HMGCLL1: variants seen among roughly 807,000 people sequenced by gnomAD.
The protein encoded by HMGCLL1 is 3-hydroxymethyl-3-methylglutaryl-CoA lyase, cytoplasmic.
HMGCLL1 carries 36 observed loss-of-function variants against 39.1 expected under a neutral mutation model. The ratio of observed to expected loss-of-function variants is 0.92; its 90% CI spans 0.71 to 1.22. The LOEUF (loss-of-function observed/expected upper bound fraction) is 1.22. HMGCLL1 is among the 50% of genes most tolerant of loss of function. The pLI is 0.00. For missense variants in HMGCLL1, 451 were observed against 416.5 expected (o/e 1.08, Z -0.72); for synonymous variants, 149 against 144.0 (o/e 1.03, Z -0.25).
chr6:55,493,579 T>TA (rs1766422150), intron 7 of HMGCLL1, among the ~76,000 whole-genome samples: 1 of 152,126 alleles, frequency 6.6e-6, no homozygotes, highest in South Asian at 2.1e-4. Flanking sequence ...TTCTTTTAAT[T>TA]ACTAGGACAT....
chr6:55,647,318 A>G, the HMGCLL1 span, among the ~76,000 whole-genome samples: 1 of 151,972 alleles, frequency 6.6e-6, no homozygotes, highest in East Asian at 2.0e-4. Context: ...CTTGTAGGTA[A>G]CAGATCATTG....
chr6:55,435,825 A>G (rs934796341), intron 8 of HMGCLL1, 62 bp from the exon 9 acceptor site: 10 of 793,232 alleles, frequency 1.3e-5, no homozygotes, highest in Non-Finnish European at 1.9e-5. Flanking sequence ...AAGATAAAAC[A>G]TAGCCTTTTA....
intron 7 of HMGCLL1, 39 bp from the exon 8 acceptor site, chr6:55,439,598 A>T (rs1561881421): frequency 6.3e-7 from 1 of 1,593,390 alleles, no homozygotes; most frequent in Non-Finnish European, 8.6e-7. Flanking sequence ...TTGTGTGTTT[A>T]TGGCATGTAA....
intron 3 of HMGCLL1, among the ~76,000 whole-genome samples, chr6:55,527,904 C>A (rs1214834491): frequency 2.6e-5 from 4 of 151,916 alleles, no homozygotes; most frequent in Admixed American, 6.6e-5. Flanking sequence ...TTTGGTATGT[C>A]TTTTTATTGG....
At chr6:55,588,534 A>C in the HMGCLL1 span, among the ~76,000 whole-genome samples, 402 of 152,298 alleles carry the variant, frequency 2.6e-3, 2 homozygotes, top group African/African-American at 9.3e-3. Flanking sequence ...AGCTAGCAGA[A>C]GGCAAGAAAT....
intron 4 of HMGCLL1, among the ~76,000 whole-genome samples, chr6:55,514,625 C>A (rs778116909): frequency 2.0e-5 from 3 of 152,136 alleles, no homozygotes; most frequent in Non-Finnish European, 4.4e-5. Flanking sequence ...TACAATCCAA[C>A]AGAAAAATAT....
At chr6:55,578,288 CCTTTT>C (rs1462599625) in intron 1 of HMGCLL1, among the ~76,000 whole-genome samples, 2 of 152,102 alleles carry the variant, frequency 1.3e-5, no homozygotes, top group East Asian at 1.9e-4. Flanking sequence ...TCTTTATACA[CCTTTT>C]CTTTATTTAT....
chr6:55,672,965 A>G, the HMGCLL1 span, among the ~76,000 whole-genome samples: 1 of 151,962 alleles, frequency 6.6e-6, no homozygotes, highest in Non-Finnish European at 1.5e-5. Context: ...TAATTTTCCC[A>G]TTTGACAGTC....
At chr6:55,636,010 T>C in the HMGCLL1 span, among the ~76,000 whole-genome samples, 625 of 152,198 alleles carry the variant, frequency 4.1e-3, 2 homozygotes, top group Non-Finnish European at 7.5e-3. Context: ...TCCAGCAGCA[T>C]AATGAACCTC....
At chr6:55,496,531 C>A (rs1766585896) in intron 6 of HMGCLL1, among the ~76,000 whole-genome samples, 1 of 152,148 alleles carries the variant, frequency 6.6e-6, no homozygotes, top group South Asian at 2.1e-4. Flanking sequence ...TGCTAATCAT[C>A]TCTGTATGAA....
the HMGCLL1 span, among the ~76,000 whole-genome samples, chr6:55,601,562 C>T: frequency 6.6e-6 from 1 of 152,088 alleles, no homozygotes; most frequent in South Asian, 2.1e-4. Context: ...TCCTTGAAGC[C>T]ACTGCAAAGG....
chr6:55,478,757 T>A (rs1765584663), intron 7 of HMGCLL1, among the ~76,000 whole-genome samples: 1 of 151,428 alleles, frequency 6.6e-6, no homozygotes, highest in Non-Finnish European at 1.5e-5. Context: ...AAAGTTTGCA[T>A]TTGTAGTGGA....
chr6:55,647,494 G>A, the HMGCLL1 span, among the ~76,000 whole-genome samples: 171 of 151,462 alleles, frequency 1.1e-3, no homozygotes, highest in Non-Finnish European at 2.0e-3. Context: ...CTTCCTTTTA[G>A]TGAAGATAAT....
chr6:55,636,745 A>G, the HMGCLL1 span, among the ~76,000 whole-genome samples: 1 of 152,136 alleles, frequency 6.6e-6, no homozygotes, highest in Non-Finnish European at 1.5e-5. Context: ...TTTTAAATCT[A>G]TATAATAATA....
chr6:55,591,745 C>T, the HMGCLL1 span, among the ~76,000 whole-genome samples: 3 of 150,622 alleles, frequency 2.0e-5, no homozygotes, highest in Admixed American at 2.0e-4. Context: ...TCCCAGAGTT[C>T]CCATGGAAGT....
At chr6:55,609,104 C>G in the HMGCLL1 span, among the ~76,000 whole-genome samples, 2 of 152,172 alleles carry the variant, frequency 1.3e-5, no homozygotes, top group Non-Finnish European at 2.9e-5. Context: ...CGGGGCCTTG[C>G]GTCCCAATCA....
At chr6:55,659,923 T>G in the HMGCLL1 span, among the ~76,000 whole-genome samples, 1 of 151,716 alleles carries the variant, frequency 6.6e-6, no homozygotes, top group Admixed American at 6.6e-5. Flanking sequence ...TCTGAATACA[T>G]GTCAGAAAAC....
At chr6:55,613,333 T>C in the HMGCLL1 span, among the ~76,000 whole-genome samples, 3 of 152,308 alleles carry the variant, frequency 2.0e-5, no homozygotes, top group African/African-American at 7.2e-5. Context: ...GGAGCGTTTT[T>C]ACATTGTTGG....
chr6:55,628,855 C>G, the HMGCLL1 span, among the ~76,000 whole-genome samples: 1 of 152,128 alleles, frequency 6.6e-6, no homozygotes, highest in Non-Finnish European at 1.5e-5. Context: ...CCAAGTAAGA[C>G]TTGACTTGTT....
Sources: gnomAD v4.1 joint callset for allele counts (sites outside exome capture counted in the v4.1 genomes callset) on GRCh38, gnomAD v4.1.1 for gene constraint, MANE v1.5 for transcripts, NCBI Gene and HGNC (gene_info 2026-07-23, HGNC 2026-07-21) for gene names.